Variants in RHPN2 observed in about 807,000 individuals in gnomAD.
RHPN2 encodes the protein rhophilin Rho GTPase binding protein 2, also known as rhophilin-2.
In RHPN2, 40 loss-of-function variants were observed where a neutral mutation model predicts 79.0. The observed-to-expected ratio is 0.51, with a 90% CI of 0.39 to 0.66. The LOEUF (loss-of-function observed/expected upper bound fraction) is 0.66, where lower values mean the gene tolerates loss of function less well. Among genes scored for constraint, RHPN2 ranks in the 30% least tolerant of loss-of-function variants. The pLI is 0.00. For synonymous variants in RHPN2, 285 were observed against 363.5 expected (o/e 0.78, Z 2.46); for missense variants, 686 against 883.5 (o/e 0.78, Z 2.83).
intron 2 of RHPN2, among the ~76,000 whole-genome samples, chr19:33,029,292 C>T (rs553420648): frequency 2.6e-5 from 4 of 151,530 alleles, no homozygotes; most frequent in African/African-American, 7.3e-5. Context: ...TTTGGGAGGC[C>T]GAGACGGACG....
intron 1 of RHPN2, among the ~76,000 whole-genome samples, chr19:33,058,439 G>A (rs1972252162): frequency 6.6e-6 from 1 of 152,196 alleles, no homozygotes; most frequent in South Asian, 2.1e-4. Flanking sequence ...CAGGATGAAA[G>A]AGAAGCCTGA....
chr19:33,013,103 T>TG (rs1476889567), intron 4 of RHPN2, among the ~76,000 whole-genome samples: 1 of 151,902 alleles, frequency 6.6e-6, no homozygotes, highest in African/African-American at 2.4e-5. Context: ...CTCAAACTTC[T>TG]GACCTCAGGT....
intron 2 of RHPN2, among the ~76,000 whole-genome samples, chr19:33,043,461 A>G (rs558740596): frequency 8.5e-5 from 13 of 152,216 alleles, no homozygotes; most frequent in African/African-American, 3.1e-4. Context: ...CTGAGGCAGG[A>G]GAATCACTTG....
chr19:33,024,106 A>G (rs1326197536), intron 3 of RHPN2, among the ~76,000 whole-genome samples: 1 of 152,186 alleles, frequency 6.6e-6, no homozygotes, highest in Non-Finnish European at 1.5e-5. Flanking sequence ...GGCTGGGAGA[A>G]CCTTCCATTA....
Position 32,999,696 on chromosome 19 carries a change from C to G in RHPN2, c.1115G>C (p.Gly372Ala), listed in dbSNP as rs1471699047. The G allele has an allele frequency of 5.0e-6, 8 of 1,612,194 alleles. No individual in the cohort carries two copies. In the African/African-American group the frequency reaches 8.0e-5, roughly 16 times the overall value. ...CTTCTCCTGGTGGTCCAGATCCGTG[C>G]CTGGCTTCACTGCAAAGAGAACCAC... Reference protein sequence around the residue: ...ILLIDHQVKPGTDLDHQEKCL... With the variant: ...ILLIDHQVKPATDLDHQEKCL... The change falls in exon 10 of 15, where the codon GGC (glycine) becomes GCC (alanine). Residue 372 changes from glycine to alanine, a missense_variant. Transcript: ENST00000254260.
Position 32,980,271 on chromosome 19 carries a change from G to A in RHPN2, c.1801-15C>T, listed in dbSNP as rs1221762385. 20 of 1,613,340 alleles carry A rather than the reference G, an allele frequency of 1.2e-5. No individual in the cohort carries two copies. Among genetic ancestry groups the A allele is most frequent in the Non-Finnish European group, 1.7e-5 (20 of 1,179,826 alleles). ...CTCTTATTATGCTGCACATAGAAAAGTAAGAAAAAGGGCGTCAGGCATCAT... is the reference window on the plus strand; with the variant it reads ...CTCTTATTATGCTGCACATAGAAAAATAAGAAAAAGGGCGTCAGGCATCAT... On this transcript the variant is annotated splice_polypyrimidine_tract_variant and intron_variant, in intron 14 of 14. Coordinates refer to ENST00000254260, the MANE Select transcript of RHPN2 (RefSeq NM_033103.5).
chr19:32,995,971 A>T (rs559275305), intron 11 of RHPN2, 55 bp downstream of exon 11: 2 of 1,580,862 alleles, frequency 1.3e-6, no homozygotes, highest in East Asian at 4.5e-5. Context: ...GGCCAGGCGT[A>T]CTCTTTCCGC....
intron 1 of RHPN2, among the ~76,000 whole-genome samples, chr19:33,064,200 G>A (rs1172158200): frequency 6.6e-6 from 1 of 152,184 alleles, no homozygotes; most frequent in Admixed American, 6.5e-5. Flanking sequence ...GCGTGGCGAG[G>A]TGGCGCGCCT....
chr19:33,026,777 G>A, intron 2 of RHPN2, 145 bp from the exon 3 acceptor site: 2 of 885,876 alleles, frequency 2.3e-6, no homozygotes, highest in Non-Finnish European at 3.6e-6. Context: ...GTATCCCAGG[G>A]ACACAGGGCA....
At chr19:33,048,033 G>A (rs188368127) in intron 1 of RHPN2, among the ~76,000 whole-genome samples, 5 of 151,898 alleles carry the variant, frequency 3.3e-5, no homozygotes, top group Admixed American at 1.3e-4. Context: ...TCCCTGTCTC[G>A]CAAGGACACT....
At chr19:33,006,949 G>C (rs1971796286) in intron 7 of RHPN2, among the ~76,000 whole-genome samples, 1 of 152,134 alleles carries the variant, frequency 6.6e-6, no homozygotes, top group South Asian at 2.1e-4. Context: ...GGCTGAGGCA[G>C]AAGAATTACT....
intron 2 of RHPN2, among the ~76,000 whole-genome samples, chr19:33,030,612 T>C (rs916803930): frequency 1.3e-5 from 2 of 151,786 alleles, no homozygotes; most frequent in African/African-American, 4.8e-5. Context: ...AAAAAAGAAA[T>C]ACATTTTATT....
intron 1 of RHPN2, among the ~76,000 whole-genome samples, chr19:33,052,859 G>A (rs556576177): frequency 2.0e-5 from 3 of 152,242 alleles, no homozygotes; most frequent in African/African-American, 7.2e-5. Flanking sequence ...AGGGGGGCTC[G>A]ATATGAGTCA....
At chr19:33,032,112 C>T (rs572356257) in intron 2 of RHPN2, among the ~76,000 whole-genome samples, 4 of 146,314 alleles carry the variant, frequency 2.7e-5, no homozygotes, top group Middle Eastern at 3.9e-3. Flanking sequence ...CCTCCACCTC[C>T]CAGGTTCAAG....
At chr19:33,057,068 C>T (rs138288625) in intron 1 of RHPN2, among the ~76,000 whole-genome samples, 2,295 of 148,038 alleles carry the variant, frequency 0.016, 56 homozygotes, top group African/African-American at 0.054. Flanking sequence ...TGCAGTGAGC[C>T]GAGATGGTGC....
intron 4 of RHPN2, among the ~76,000 whole-genome samples, chr19:33,015,590 T>G (rs1361218185): frequency 2.0e-5 from 3 of 152,166 alleles, no homozygotes; most frequent in Non-Finnish European, 1.5e-5. Flanking sequence ...AAATAATTTT[T>G]TGCAACGTAA....
At chr19:33,053,754 G>A (rs374179296) in intron 1 of RHPN2, among the ~76,000 whole-genome samples, 4 of 151,890 alleles carry the variant, frequency 2.6e-5, no homozygotes, top group African/African-American at 9.7e-5. Flanking sequence ...TACTAGAGAC[G>A]TGGTTTCACC....
At chr19:33,062,460 T>A (rs1972288109) in intron 1 of RHPN2, among the ~76,000 whole-genome samples, 1 of 147,130 alleles carries the variant, frequency 6.8e-6, no homozygotes. Flanking sequence ...AGACTCCATC[T>A]CAGGGGGAAA....
chr19:33,011,762 C>T lies in RHPN2; in HGVS notation c.510G>A (p.Leu170=). The change falls in exon 6 of 15, where the codon CTG becomes CTA. Residue 170 remains leucine, a synonymous_variant. Coordinates refer to ENST00000254260, the MANE Select transcript of RHPN2 (RefSeq NM_033103.5). Reference sequence around the variant, plus strand: ...CCAGCTGGATGAAGTATGTCATCAGCAGTTCCACCCCGGCCTCATCCCGGC... The same window carrying T: ...CCAGCTGGATGAAGTATGTCATCAGTAGTTCCACCCCGGCCTCATCCCGGC... ...TPSRDEAGVE[L]LMTYFIQLGF... 1 of 1,613,960 alleles carries T rather than the reference C, an allele frequency of 6.2e-7. No individual in the cohort carries two copies. The highest frequency in any genetic ancestry group is 1.1e-5 in the South Asian group (1 of 91,070).
Sources: allele counts gnomAD v4.1 joint callset (sites outside exome capture counted in the v4.1 genomes callset), GRCh38; gene constraint gnomAD v4.1.1; transcripts MANE v1.5; gene names NCBI Gene and HGNC (gene_info 2026-07-23, HGNC 2026-07-21).